The following RBFOX1 variants were observed in gnomAD, a reference collection of about 807,000 sequenced individuals.
RBFOX1 encodes RNA binding protein fox-1 homolog 1.
A neutral mutation model predicts 57.7 loss-of-function variants in RBFOX1; 8 were observed. That is an observed-to-expected ratio of 0.14 (90% CI 0.08 to 0.25). The LOEUF is 0.25. RBFOX1 is among the 10% of genes least tolerant of loss of function. RBFOX1 has a pLI of 1.00. For synonymous variants in RBFOX1, 326 were observed against 222.4 expected, an observed-to-expected ratio of 1.47 and a Z score of -4.15; for missense variants, 611 against 548.5, an observed-to-expected ratio of 1.11 and a Z score of -1.14.
chr16:6,584,912 T>G (rs933846535), intron 2 of RBFOX1, among the ~76,000 whole-genome samples: 2 of 152,166 alleles, frequency 1.3e-5, no homozygotes, highest in Non-Finnish European at 2.9e-5. Context: ...GGGCAGAGAT[T>G]GGGGACCTGC....
chr16:7,101,834 G>T (rs937651648), intron 4 of RBFOX1, among the ~76,000 whole-genome samples: 1 of 152,064 alleles, frequency 6.6e-6, no homozygotes, highest in South Asian at 2.1e-4. Context: ...GATTTCCAAG[G>T]CTCTTGTCTT....
chr16:6,528,625 G>T (rs575363218), intron 2 of RBFOX1, among the ~76,000 whole-genome samples: 2 of 152,298 alleles, frequency 1.3e-5, no homozygotes, highest in African/African-American at 4.8e-5. Context: ...CATCTTCATT[G>T]TGAACCAGCT....
At chr16:5,707,543 T>C (rs1419386373) in intron 3 of RBFOX1, among the ~76,000 whole-genome samples, 4 of 152,174 alleles carry the variant, frequency 2.6e-5, no homozygotes, top group Admixed American at 2.6e-4. Context: ...CAGAGAATCA[T>C]TGAGATAGGC....
At chr16:5,672,824 G>T (rs372738976) in intron 3 of RBFOX1, among the ~76,000 whole-genome samples, 2 of 151,916 alleles carry the variant, frequency 1.3e-5, no homozygotes, top group East Asian at 3.9e-4. Flanking sequence ...AGAGAAATAA[G>T]AGAGGGATGA....
intron 4 of RBFOX1, among the ~76,000 whole-genome samples, chr16:5,873,077 G>A (rs2057515317): frequency 1.3e-5 from 2 of 152,212 alleles, no homozygotes; most frequent in South Asian, 4.1e-4. Flanking sequence ...TTGAACCCAG[G>A]AGGCAGAGGT....
intron 3 of RBFOX1, among the ~76,000 whole-genome samples, chr16:5,823,648 C>G (rs908151514): frequency 6.6e-6 from 1 of 152,140 alleles, no homozygotes; most frequent in Non-Finnish European, 1.5e-5. Flanking sequence ...CACCTCCAGT[C>G]AGGTCAGTGG....
In RBFOX1 at chr16:7,434,851, A is replaced by C. The variant is rs550220551; in HGVS notation, c.28-83296A>C. Reference sequence around the variant, plus strand: ...GCCTCCCAGACTCAAGTGATTCTCTAGCCTCAGCCTCCTGGGTAGATGGGA... The same window carrying C: ...GCCTCCCAGACTCAAGTGATTCTCTCGCCTCAGCCTCCTGGGTAGATGGGA... On this transcript the variant is annotated intron_variant, in intron 4 of 15. Transcript: ENST00000550418. 3.3e-5 allele frequency among the ~76,000 whole-genome samples: 5 copies of C among 151,478 alleles called. No individual in the cohort carries two copies. In the South Asian group the frequency reaches 1.0e-3, roughly 32 times the overall value.
At position 6,097,761 on chromosome 16, in the gene RBFOX1, CT is replaced by C. The variant is rs772349623; in HGVS notation, c.-127+77782del. Among the ~76,000 whole-genome samples, 138 of 142,846 alleles carry C rather than the reference CT, an allele frequency of 9.7e-4. No homozygotes were observed. The highest frequency in any genetic ancestry group is 3.6e-3 in the Middle Eastern group (1 of 276). The allele number at this position is 142,846 out of a possible 152,430, so 93.7% of individuals were successfully genotyped here. A position where few individuals can be genotyped will look rare whatever the true frequency, so the allele number is the denominator to read the frequency against. ...CTGTGTCTTTGGTCTGTGTTCTCTT[CT>C]TTTTTTTTTTTTCTTACCACCCTCC... On this transcript the variant is annotated intron_variant, in intron 1 of 15. Transcript: ENST00000550418. This position sits in a 1 kb window ranked among gnomAD's most constrained non-coding sequence, Gnocchi z 5.0.
chr16:7,307,867 C>T (rs1167108949), intron 4 of RBFOX1, among the ~76,000 whole-genome samples: 1 of 152,208 alleles, frequency 6.6e-6, no homozygotes, highest in Non-Finnish European at 1.5e-5. Context: ...GGGAAAGTCC[C>T]TGCCTCAATC....
intron 1 of RBFOX1, among the ~76,000 whole-genome samples, chr16:6,144,211 T>G (rs2096740860): frequency 6.6e-6 from 1 of 152,172 alleles, no homozygotes; most frequent in African/African-American, 2.4e-5. Context: ...CTATAAGTGC[T>G]GGGATCATAA....
intron 5 of RBFOX1, among the ~76,000 whole-genome samples, chr16:7,572,101 T>G (rs1380675063): frequency 6.6e-6 from 1 of 152,190 alleles, no homozygotes; most frequent in Non-Finnish European, 1.5e-5. Flanking sequence ...CACTCCAGCC[T>G]GGGTGACAGA....
chr16:6,964,321 A>G (rs2083636888), intron 3 of RBFOX1, among the ~76,000 whole-genome samples: 1 of 152,208 alleles, frequency 6.6e-6, no homozygotes, highest in Non-Finnish European at 1.5e-5. Flanking sequence ...GCCTGGCAGC[A>G]TAGAGGATTT....
chr16:7,531,023 C>G (rs1386830899), intron 5 of RBFOX1, among the ~76,000 whole-genome samples: 1 of 152,100 alleles, frequency 6.6e-6, no homozygotes, highest in Non-Finnish European at 1.5e-5. Context: ...CAGCAGTAAA[C>G]CAAGGTTTTC....
At chr16:6,034,908 C>T (rs377234983) in intron 1 of RBFOX1, among the ~76,000 whole-genome samples, 2 of 149,758 alleles carry the variant, frequency 1.3e-5, no homozygotes, top group African/African-American at 2.5e-5. Flanking sequence ...AGGAGTCACA[C>T]TCAGGGCCTC....
At chr16:7,243,162 A>G (rs974727930) in intron 4 of RBFOX1, among the ~76,000 whole-genome samples, 2 of 152,176 alleles carry the variant, frequency 1.3e-5, no homozygotes, top group African/African-American at 2.4e-5. Context: ...CCCAGTATTA[A>G]ATCAGAAAGT....
chr16:7,525,398 A>T (rs2078467939), intron 5 of RBFOX1, among the ~76,000 whole-genome samples: 1 of 152,182 alleles, frequency 6.6e-6, no homozygotes, highest in African/African-American at 2.4e-5. Context: ...ATCAGGCTAC[A>T]GTACAGAGCT....
At chr16:6,393,080 C>G (rs1403694590) in intron 2 of RBFOX1, among the ~76,000 whole-genome samples, 1 of 152,216 alleles carries the variant, frequency 6.6e-6, no homozygotes, top group Non-Finnish European at 1.5e-5. Flanking sequence ...CATACTTACA[C>G]TTTCCTTTGA....
chr16:6,979,613 C>T (rs1215729579), intron 3 of RBFOX1, among the ~76,000 whole-genome samples: 2 of 152,150 alleles, frequency 1.3e-5, no homozygotes, highest in Non-Finnish European at 2.9e-5. Context: ...CTTTCATTCA[C>T]AGTTTGGGGA....
At chr16:5,621,161 A>G (rs1362765493) in intron 3 of RBFOX1, among the ~76,000 whole-genome samples, 1 of 152,082 alleles carries the variant, frequency 6.6e-6, no homozygotes, top group Non-Finnish European at 1.5e-5. Context: ...TATTTTTTGT[A>G]GAAATGGGGT....
Sources: gnomAD v4.1 joint callset for allele counts (sites outside exome capture counted in the v4.1 genomes callset) on GRCh38, gnomAD v4.1.1 for gene constraint, Gnocchi (gnomAD v3.1) non-coding constraint, MANE v1.5 for transcripts, NCBI Gene and HGNC (gene_info 2026-07-23, HGNC 2026-07-21) for gene names.